Variants in GNG2 observed in about 807,000 individuals in gnomAD.
GNG2 encodes the protein G protein subunit gamma 2.
A neutral mutation model predicts 5.5 loss-of-function variants in GNG2; 5 were observed. The observed-to-expected ratio is 0.91, with a 90% CI of 0.48 to 1.92. The LOEUF is 1.92. Ranked by LOEUF, GNG2 falls within the 30% of genes most tolerant of loss-of-function variation. GNG2 has a pLI of 0.01. For missense variants in GNG2, 55 were observed against 88.4 expected, an observed-to-expected ratio of 0.62 and a Z score of 1.52; for synonymous variants, 28 against 32.0, an observed-to-expected ratio of 0.88 and a Z score of 0.42.
At chr14:51,839,592 G>A (rs1305181367) in intron 2 of GNG2, among the ~76,000 whole-genome samples, 1 of 152,144 alleles carries the variant, frequency 6.6e-6, no homozygotes, top group Non-Finnish European at 1.5e-5. Context: ...GATAAAAACA[G>A]ATCAATGGTT....
intron 2 of GNG2, among the ~76,000 whole-genome samples, chr14:51,948,594 A>C (rs1888777659): frequency 6.6e-6 from 1 of 152,110 alleles, no homozygotes; most frequent in African/African-American, 2.4e-5. Flanking sequence ...AGGCTGTTAG[A>C]TGTTTGTTTA....
chr14:51,877,137 C>T (rs1247470265), intron 1 of GNG2, among the ~76,000 whole-genome samples: 1 of 152,158 alleles, frequency 6.6e-6, no homozygotes, highest in East Asian at 1.9e-4. Context: ...ACGTGTCCTC[C>T]ACCCTCCTAA....
At chr14:51,911,820 A>T (rs535290832) in intron 2 of GNG2, among the ~76,000 whole-genome samples, 1 of 147,726 alleles carries the variant, frequency 6.8e-6, no homozygotes, top group African/African-American at 2.5e-5. Context: ...AAGCACTGGG[A>T]TTACAGGCGT....
At chr14:51,947,223 C>T (rs1451466147) in intron 2 of GNG2, among the ~76,000 whole-genome samples, 1 of 152,180 alleles carries the variant, frequency 6.6e-6, no homozygotes, top group East Asian at 1.9e-4. Context: ...GGCAGAATAA[C>T]AACCCCCCAA....
chr14:51,915,579 C>G (rs747852188), intron 2 of GNG2, among the ~76,000 whole-genome samples: 10 of 152,194 alleles, frequency 6.6e-5, no homozygotes, highest in Non-Finnish European at 1.0e-4. Context: ...GCCATCCGTT[C>G]TCTTTTATAA....
intron 1 of GNG2, among the ~76,000 whole-genome samples, chr14:51,869,802 C>T (rs531305378): frequency 6.6e-6 from 1 of 152,312 alleles, no homozygotes; most frequent in East Asian, 1.9e-4. Flanking sequence ...CCTGAGCTAC[C>T]TTGCCCTGCC....
chr14:51,826,219 G>A (rs1289372035), exon 1 of GNG2: 4 of 152,126 alleles, frequency 2.6e-5, no homozygotes, highest in Admixed American at 6.6e-5. Context: ...CAGCAAGAGC[G>A]GATGGCTGAA....
intron 2 of GNG2, among the ~76,000 whole-genome samples, chr14:51,842,085 C>T (rs1200822848): frequency 6.6e-6 from 1 of 152,076 alleles, no homozygotes; most frequent in East Asian, 1.9e-4. Flanking sequence ...TGATGTCATG[C>T]TTATTTGCTC....
chr14:51,875,696 AGAAAATATATATT>A (rs1448450729), intron 1 of GNG2, among the ~76,000 whole-genome samples: 1 of 150,922 alleles, frequency 6.6e-6, no homozygotes, highest in Non-Finnish European at 1.5e-5. Flanking sequence ...ATTAAGACAT[AGAAAATATATATT>A]AGAAAAAACA....
chr14:51,878,746 G>A (rs1266449241), intron 2 of GNG2, among the ~76,000 whole-genome samples: 1 of 152,138 alleles, frequency 6.6e-6, no homozygotes, highest in Non-Finnish European at 1.5e-5. Flanking sequence ...GAGATGTACT[G>A]ACCTATACAT....
chr14:51,890,443 C>T (rs1167172310), intron 2 of GNG2, among the ~76,000 whole-genome samples: 1 of 152,102 alleles, frequency 6.6e-6, no homozygotes, highest in African/African-American at 2.4e-5. Context: ...AAAGTAAAAC[C>T]AATGTAACTC....
chr14:51,841,505 G>A (rs1881481488), intron 2 of GNG2: 1 of 701,830 alleles, frequency 1.4e-6, no homozygotes. Flanking sequence ...CCATTTTACA[G>A]ACAAGAATCC....
intron 2 of GNG2, among the ~76,000 whole-genome samples, chr14:51,929,774 C>A (rs550128369): frequency 1.3e-5 from 2 of 152,264 alleles, no homozygotes; most frequent in South Asian, 2.1e-4. Flanking sequence ...GTGGAACACA[C>A]AAGGACAATA....
At chr14:51,917,826 G>C (rs1204206842) in intron 2 of GNG2, among the ~76,000 whole-genome samples, 2 of 152,112 alleles carry the variant, frequency 1.3e-5, no homozygotes, top group East Asian at 3.9e-4. Flanking sequence ...AGGGGTTTGA[G>C]ACCAGCCTGG....
chr14:51,829,661 A>G (rs1881127914), intron 2 of GNG2, among the ~76,000 whole-genome samples: 1 of 152,034 alleles, frequency 6.6e-6, no homozygotes, highest in South Asian at 2.1e-4. Flanking sequence ...GTATCAATCT[A>G]CACTGTCCCC....
chr14:51,847,336 T>C (rs1881662236), intron 2 of GNG2: 2 of 152,206 alleles, frequency 1.3e-5, no homozygotes, highest in Admixed American at 1.3e-4. Flanking sequence ...TCAACCCCAA[T>C]TGGCAGATTC....
chr14:51,949,888 C>T lies in GNG2; in HGVS notation c.-29-762C>T, dbSNP rs1888873082. On this transcript the variant is annotated intron_variant, in intron 2 of 3. Transcript: ENST00000556766. ...TAGGATTTGAAGGGGGAGGGGAGCACACATGGAGAAAGAGGTATGGCAGAG... is the reference window on the plus strand; with the variant it reads ...TAGGATTTGAAGGGGGAGGGGAGCATACATGGAGAAAGAGGTATGGCAGAG... Among the ~76,000 whole-genome samples, 4 of 152,168 alleles carry T rather than the reference C, an allele frequency of 2.6e-5. No homozygotes were observed. In the South Asian group the frequency reaches 8.3e-4, roughly 32 times the overall value.
Position 51,890,030 on chromosome 14 carries a change from T to A in GNG2, c.-30+12373T>A, listed in dbSNP as rs73292985. Among the ~76,000 whole-genome samples the A allele has an allele frequency of 6.7e-3, 1,022 of 152,286 alleles. 15 individuals are homozygous for A. Among genetic ancestry groups the A allele is most frequent in the African/African-American group, 0.024 (979 of 41,554 alleles). On this transcript the variant is annotated intron_variant, in intron 2 of 3. Transcript: ENST00000556766. ...TGAGTGAGTAAAATAGAAGTCCAAG[T>A]ACTCAAAATAATCCTTGGAAAGGAA...
intron 2 of GNG2, among the ~76,000 whole-genome samples, chr14:51,931,411 C>T (rs755920079): frequency 8.5e-5 from 13 of 152,128 alleles, no homozygotes; most frequent in South Asian, 2.1e-4. Context: ...AAGTGAGAGG[C>T]GCTCATTCAC....
Sources: allele counts gnomAD v4.1 joint callset (sites outside exome capture counted in the v4.1 genomes callset), GRCh38; gene constraint gnomAD v4.1.1; transcripts MANE v1.5; gene names NCBI Gene and HGNC (gene_info 2026-07-23, HGNC 2026-07-21).